Variants in ZNF385D observed in about 807,000 individuals in gnomAD.
ZNF385D encodes the protein zinc finger protein 659.
ZNF385D carries 15 observed loss-of-function variants against 35.8 expected under a neutral mutation model. The observed-to-expected ratio is 0.42, with a 90% CI of 0.28 to 0.64. The LOEUF (loss-of-function observed/expected upper bound fraction) is 0.64, where lower values mean the gene tolerates loss of function less well. ZNF385D is among the 30% of genes least tolerant of loss of function. ZNF385D has a pLI of 0.23. For missense variants in ZNF385D, 474 were observed against 494.6 expected, an observed-to-expected ratio of 0.96 and a Z score of 0.39; for synonymous variants, 212 against 186.8, an observed-to-expected ratio of 1.13 and a Z score of -1.10.
At chr3:22,203,547 C>A (rs1259434745) in intron 2 of ZNF385D, among the ~76,000 whole-genome samples, 2 of 152,094 alleles carry the variant, frequency 1.3e-5, no homozygotes, top group Non-Finnish European at 2.9e-5. Flanking sequence ...ATCGAGGAGG[C>A]TCTTGGGATC....
chr3:22,170,079 T>G (rs1461410338), intron 2 of ZNF385D, among the ~76,000 whole-genome samples: 1 of 152,236 alleles, frequency 6.6e-6, no homozygotes, highest in African/African-American at 2.4e-5. Context: ...CCCAAGCCTC[T>G]CTAGCACACT....
intron 2 of ZNF385D, among the ~76,000 whole-genome samples, chr3:22,262,560 A>C (rs1171081119): frequency 6.6e-6 from 1 of 152,012 alleles, no homozygotes; most frequent in Non-Finnish European, 1.5e-5. Flanking sequence ...ATAATAGCAT[A>C]TGTTTCATGT....
intron 2 of ZNF385D, among the ~76,000 whole-genome samples, chr3:21,604,623 G>A (rs1034240142): frequency 2.0e-5 from 3 of 152,158 alleles, no homozygotes; most frequent in Admixed American, 6.5e-5. Flanking sequence ...ATTTAAGGAG[G>A]TGAAATGAGG....
At chr3:21,493,409 A>G (rs1038804001) in intron 4 of ZNF385D, among the ~76,000 whole-genome samples, 6 of 152,292 alleles carry the variant, frequency 3.9e-5, no homozygotes, top group African/African-American at 1.2e-4. Flanking sequence ...AATATTTTAG[A>G]TGATGCCATA....
chr3:21,658,957 C>T (rs144645384), intron 2 of ZNF385D, among the ~76,000 whole-genome samples: 6 of 151,984 alleles, frequency 3.9e-5, no homozygotes, highest in Admixed American at 1.3e-4. Context: ...TTTCTAGTAC[C>T]TGATAGAAGA....
At chr3:21,472,226 G>A (rs1703940338) in intron 4 of ZNF385D, among the ~76,000 whole-genome samples, 1 of 152,090 alleles carries the variant, frequency 6.6e-6, no homozygotes, top group Admixed American at 6.6e-5. Flanking sequence ...AAGGAACCAC[G>A]CTAGGCCCTT....
At chr3:21,839,383 A>G (rs895999290) in intron 3 of ZNF385D, among the ~76,000 whole-genome samples, 1 of 152,124 alleles carries the variant, frequency 6.6e-6, no homozygotes, top group Non-Finnish European at 1.5e-5. Context: ...TTACAAACTC[A>G]TCATAAAAGA....
chr3:21,806,263 T>A (rs149876284), intron 3 of ZNF385D, among the ~76,000 whole-genome samples: 2,502 of 151,862 alleles, frequency 0.016, 79 homozygotes, highest in African/African-American at 0.057. Flanking sequence ...AAACTCTTTT[T>A]GTATTTGGTA....
chr3:21,809,027 T>G (rs1329441282), intron 3 of ZNF385D, among the ~76,000 whole-genome samples: 1 of 152,034 alleles, frequency 6.6e-6, no homozygotes, highest in African/African-American at 2.4e-5. Flanking sequence ...GAAACCAGAG[T>G]CTTATAACAT....
Position 21,935,255 on chromosome 3 carries a change from AT to A in ZNF385D, c.325+233561del, listed in dbSNP as rs779027379. On this transcript the variant is annotated intron_variant, in intron 3 of 5. Coordinates refer to the ZNF385D transcript ENST00000494108. ...TTTGTGCTATGCATGCCTTAAAATAATTTTTATAAGAACATCATTTCAATAA... is the reference window on the plus strand; with the variant it reads ...TTTGTGCTATGCATGCCTTAAAATAATTTTATAAGAACATCATTTCAATAA... Among the ~76,000 whole-genome samples the A allele has an allele frequency of 3.9e-5, 6 of 152,160 alleles. No homozygotes were observed. In the East Asian group the frequency reaches 7.7e-4, roughly 20 times the overall value.
chr3:21,436,242 G>C (rs1222706124), intron 5 of ZNF385D, among the ~76,000 whole-genome samples: 2 of 151,982 alleles, frequency 1.3e-5, no homozygotes, highest in East Asian at 1.9e-4. Flanking sequence ...TGGGTATATT[G>C]GGAGAGCATT....
intron 1 of ZNF385D, among the ~76,000 whole-genome samples, chr3:21,708,057 A>C (rs548518370): frequency 3.3e-5 from 5 of 152,304 alleles, no homozygotes; most frequent in African/African-American, 9.6e-5. Context: ...TCTGTCAAAG[A>C]AGCAGCTAGA....
At chr3:21,892,209 T>G (rs1046252345) in intron 3 of ZNF385D, among the ~76,000 whole-genome samples, 5 of 152,144 alleles carry the variant, frequency 3.3e-5, no homozygotes, top group East Asian at 3.9e-4. Flanking sequence ...ATGGAAAAAT[T>G]TGAATATATA....
At chr3:21,864,662 T>G (rs1441083847) in intron 3 of ZNF385D, among the ~76,000 whole-genome samples, 1 of 152,100 alleles carries the variant, frequency 6.6e-6, no homozygotes, top group South Asian at 2.1e-4. Context: ...GTTTCTACTA[T>G]TGTTATAACT....
intron 2 of ZNF385D, among the ~76,000 whole-genome samples, chr3:22,172,981 T>C (rs1297278225): frequency 6.6e-6 from 1 of 152,196 alleles, no homozygotes; most frequent in African/African-American, 2.4e-5. Context: ...TGACAAATAA[T>C]ACTTCAGCCA....
intron 3 of ZNF385D, among the ~76,000 whole-genome samples, chr3:22,032,956 A>G (rs1429467323): frequency 6.6e-6 from 1 of 152,150 alleles, no homozygotes; most frequent in Non-Finnish European, 1.5e-5. Context: ...TAGTAGCATG[A>G]AAGTTTGATC....
At position 22,105,142 on chromosome 3, in the gene ZNF385D, C is replaced by T. The variant is rs192451439; in HGVS notation, c.325+63675G>A. ...TCTAATGTACTTATCTATTTACATA[C>T]ATGTGGCAAGGCTATGGGAAGTAGG... On this transcript the variant is annotated intron_variant, in intron 3 of 5. Coordinates refer to the ZNF385D transcript ENST00000494108. Among the ~76,000 whole-genome samples, 412 of 152,150 alleles carry T rather than the reference C, an allele frequency of 2.7e-3. 1 individual carries two copies. Among genetic ancestry groups the T allele is most frequent in the African/African-American group, 9.1e-3 (378 of 41,526 alleles).
chr3:22,292,106 C>G (rs1575053403), intron 2 of ZNF385D, among the ~76,000 whole-genome samples: 1 of 151,890 alleles, frequency 6.6e-6, no homozygotes, highest in Non-Finnish European at 1.5e-5. Context: ...TTAATGTTGG[C>G]TTTTAATTGA....
chr3:22,247,420 G>T (rs73145099), intron 2 of ZNF385D, among the ~76,000 whole-genome samples: 6,440 of 151,886 alleles, frequency 0.042, 258 homozygotes, highest in African/African-American at 0.1. Flanking sequence ...ACTAATTTAA[G>T]CTCCAGATAA....
Sources: gnomAD v4.1 joint callset for allele counts (sites outside exome capture counted in the v4.1 genomes callset) on GRCh38, gnomAD v4.1.1 for gene constraint, MANE v1.5 for transcripts, NCBI Gene and HGNC (gene_info 2026-07-23, HGNC 2026-07-21) for gene names.